Variants in DNER observed in about 807,000 individuals in gnomAD.
DNER encodes delta and Notch-like epidermal growth factor-related receptor.
DNER carries 33 observed loss-of-function variants against 78.2 expected under a neutral mutation model. The ratio of observed to expected loss-of-function variants is 0.42; its 90% CI spans 0.32 to 0.56. The LOEUF is 0.56. DNER is among the 20% of genes least tolerant of loss of function. The pLI, the probability that DNER is intolerant of heterozygous loss-of-function variation, is 0.11. For synonymous variants in DNER, 417 were observed against 384.8 expected (o/e 1.08, Z -0.98); for missense variants, 918 against 975.3 (o/e 0.94, Z 0.78).
At chr2:229,439,809 C>T (rs373557891) in intron 8 of DNER, among the ~76,000 whole-genome samples, 12 of 151,988 alleles carry the variant, frequency 7.9e-5, no homozygotes, top group Non-Finnish European at 1.2e-4. Flanking sequence ...AGGTTAGTGA[C>T]GTTAAGTTGT....
In DNER at chr2:229,694,545, C is replaced by A. The variant is rs1462745368; in HGVS notation, c.276+19603G>T. 3.3e-5 allele frequency among the ~76,000 whole-genome samples: 5 copies of A among 152,216 alleles called. No homozygotes were observed. In the East Asian group the frequency reaches 9.6e-4, roughly 29 times the overall value. On this transcript the variant is annotated intron_variant, in intron 1 of 12. Coordinates refer to ENST00000341772, the MANE Select transcript of DNER (RefSeq NM_139072.4). ...AGTGGCCCAAGGCCATGGAAGCCCA[C>A]CTCTTGCATCAGCATGACCTGGATG...
chr2:229,706,663 G>A (rs1699832261), intron 1 of DNER, among the ~76,000 whole-genome samples: 1 of 152,140 alleles, frequency 6.6e-6, no homozygotes, highest in Admixed American at 6.5e-5. Flanking sequence ...CAACACTTAC[G>A]CAAACGTATG....
chr2:229,418,334 G>A lies in DNER; in HGVS notation c.1487-104C>T, dbSNP rs967494874. On this transcript the variant is annotated intron_variant, in intron 8 of 12. Coordinates refer to ENST00000341772, the MANE Select transcript of DNER (RefSeq NM_139072.4). The stretch of plus-strand genomic sequence containing the variant: ...GTTGGGGGTATTCATTAGAAAGTAT[G>A]GTATAAACAGATGGGATTTCAGGAG... 8.2e-6 allele frequency: 12 copies of A among 1,465,156 alleles called. No homozygotes were observed. The Admixed American group carries it at 1.8e-4, about 22-fold the overall frequency. 90.8% of individuals were successfully genotyped at this position (1,465,156 alleles called of 1,614,324 possible). A position where few individuals can be genotyped will look rare whatever the true frequency, so the allele number is the denominator to read the frequency against.
chr2:229,607,867 ACAAAATTAACCGGG>A (rs973539952), intron 1 of DNER, among the ~76,000 whole-genome samples: 2 of 151,962 alleles, frequency 1.3e-5, no homozygotes, highest in African/African-American at 4.8e-5. Context: ...TACTAAAAAT[ACAAAATTAACCGGG>A]CATGGTGGTA....
chr2:229,599,340 A>G (rs978646152), intron 1 of DNER, among the ~76,000 whole-genome samples: 4 of 152,252 alleles, frequency 2.6e-5, no homozygotes, highest in Admixed American at 1.3e-4. Context: ...TATTAGTATT[A>G]AAGGAAGAGG....
intron 1 of DNER, among the ~76,000 whole-genome samples, chr2:229,622,647 G>C (rs1023864170): frequency 6.6e-6 from 1 of 152,038 alleles, no homozygotes; most frequent in South Asian, 2.1e-4. Context: ...TTGGAAACAG[G>C]GTCTTTGTGG....
chr2:229,600,995 C>G (rs977544243), intron 1 of DNER, among the ~76,000 whole-genome samples: 2 of 152,250 alleles, frequency 1.3e-5, no homozygotes, highest in African/African-American at 2.4e-5. Flanking sequence ...CCTGGAGGTA[C>G]TGTGATATGG....
At chr2:229,404,217 T>G (rs1693332073) in intron 10 of DNER, among the ~76,000 whole-genome samples, 1 of 152,158 alleles carries the variant, frequency 6.6e-6, no homozygotes, top group African/African-American at 2.4e-5. Context: ...TATTAGTCTG[T>G]TCTCACACTG....
In DNER at chr2:229,413,321, C is replaced by CTTTTTTTTTTTTTTTTTTTTT. The variant is rs398061160; in HGVS notation, c.1609+4766_1609+4786dup. ...TGCTTTTCTTTTTCTTTTTCTTCTT[C>CTTTTTTTTTTTTTTTTTTTTT]TTTTTTTTTTTTTTTTTTTTTGACG... On this transcript the variant is annotated intron_variant, in intron 9 of 12. Transcript: ENST00000341772. Among the ~76,000 whole-genome samples the CTTTTTTTTTTTTTTTTTTTTT allele has an allele frequency of 2.8e-4, 19 of 67,780 alleles. 3 individuals are homozygous for CTTTTTTTTTTTTTTTTTTTTT. The highest frequency in any genetic ancestry group is 5.4e-4 in the African/African-American group (11 of 20,344). 44.5% of individuals were successfully genotyped at this position (67,780 alleles called of 152,430 possible). A position where few individuals can be genotyped will look rare whatever the true frequency, so the allele number is the denominator to read the frequency against.
chr2:229,398,561 A>T (rs539107882), intron 10 of DNER, among the ~76,000 whole-genome samples: 1 of 152,128 alleles, frequency 6.6e-6, no homozygotes, highest in Non-Finnish European at 1.5e-5. Context: ...TAAAAAGAGA[A>T]ACAAAACTAT....
chr2:229,407,598 C>T (rs746807505), intron 9 of DNER, among the ~76,000 whole-genome samples: 15 of 152,226 alleles, frequency 9.9e-5, no homozygotes, highest in Non-Finnish European at 4.4e-5. Flanking sequence ...TCTCTGCCTA[C>T]GTGTCCCAAA....
At chr2:229,448,131 T>C (rs758054990) in intron 7 of DNER, among the ~76,000 whole-genome samples, 2 of 152,142 alleles carry the variant, frequency 1.3e-5, no homozygotes, top group Non-Finnish European at 2.9e-5. Flanking sequence ...AAAAGTTGAT[T>C]GTTGTAAGAG....
intron 1 of DNER, among the ~76,000 whole-genome samples, chr2:229,644,749 C>G (rs1198654322): frequency 2.0e-5 from 3 of 152,146 alleles, no homozygotes; most frequent in Non-Finnish European, 4.4e-5. Context: ...GATGAATGCA[C>G]CATTCCTTAG....
chr2:229,383,800 CA>C (rs140673193), intron 11 of DNER, among the ~76,000 whole-genome samples: 8,882 of 152,190 alleles, frequency 0.058, 306 homozygotes, highest in Middle Eastern at 0.085. Flanking sequence ...GACTCCCACA[CA>C]ATAATAGTGG....
chr2:229,493,524 C>T (rs1023998792), intron 6 of DNER, among the ~76,000 whole-genome samples: 3 of 152,106 alleles, frequency 2.0e-5, no homozygotes, highest in Admixed American at 6.6e-5. Context: ...ATTGTTGCTG[C>T]CCTCGAGCCA....
intron 1 of DNER, among the ~76,000 whole-genome samples, chr2:229,665,785 C>T (rs1414353353): frequency 6.6e-6 from 1 of 152,132 alleles, no homozygotes. Context: ...GAAGGTGAGT[C>T]GGAAGTGATC....
At chr2:229,624,319 C>T (rs558819910) in intron 1 of DNER, among the ~76,000 whole-genome samples, 103 of 152,188 alleles carry the variant, frequency 6.8e-4, no homozygotes, top group African/African-American at 2.5e-3. Flanking sequence ...TTAAAGGTTC[C>T]TAAATCCTAT....
intron 1 of DNER, among the ~76,000 whole-genome samples, chr2:229,603,140 CCT>C (rs1247056200): frequency 6.6e-6 from 1 of 152,030 alleles, no homozygotes; most frequent in Non-Finnish European, 1.5e-5. Context: ...AAGACTTTTC[CCT>C]CTCTCAAGCC....
intron 11 of DNER, among the ~76,000 whole-genome samples, chr2:229,380,653 A>AT: frequency 6.6e-6 from 1 of 150,844 alleles, no homozygotes. Flanking sequence ...GCAGTCAGGC[A>AT]CGGTGACTCA....
Sources: gnomAD v4.1 joint callset for allele counts (sites outside exome capture counted in the v4.1 genomes callset) on GRCh38, gnomAD v4.1.1 for gene constraint, MANE v1.5 for transcripts, NCBI Gene and HGNC (gene_info 2026-07-23, HGNC 2026-07-21) for gene names.